ATG5: variants seen among roughly 807,000 people sequenced by gnomAD.
ATG5 encodes the protein autophagy related 5.
Under a neutral mutation model 36.5 loss-of-function variants are expected in ATG5, and 14 were observed. The ratio of observed to expected loss-of-function variants is 0.38; its 90% CI spans 0.25 to 0.60. ATG5 has a LOEUF of 0.60. Among genes scored for constraint, ATG5 ranks in the 20% least tolerant of loss-of-function variants. ATG5 has a pLI of 0.60. For synonymous variants in ATG5, 95 were observed against 101.5 expected, an observed-to-expected ratio of 0.94 and a Z score of 0.38; for missense variants, 195 against 326.7, an observed-to-expected ratio of 0.60 and a Z score of 3.11.
intron 3 of ATG5, among the ~76,000 whole-genome samples, chr6:106,294,921 T>C (rs758476883): frequency 2.0e-5 from 3 of 151,746 alleles, no homozygotes; most frequent in Non-Finnish European, 1.5e-5. Context: ...TTTAGTCTTA[T>C]ATGCATTATA....
chr6:106,236,577 C>T (rs937268338), intron 6 of ATG5, among the ~76,000 whole-genome samples: 6 of 152,144 alleles, frequency 3.9e-5, no homozygotes, highest in Non-Finnish European at 8.8e-5. Flanking sequence ...TTTTCATTTT[C>T]CTGATGAGTA....
At chr6:106,323,505 A>G (rs924754721) in intron 1 of ATG5, among the ~76,000 whole-genome samples, 5 of 151,688 alleles carry the variant, frequency 3.3e-5, no homozygotes, top group African/African-American at 1.2e-4. Context: ...TCTCTCAAAG[A>G]TGGTATTACA....
chr6:106,264,612 G>C (rs1218394674), intron 5 of ATG5, among the ~76,000 whole-genome samples: 1 of 152,154 alleles, frequency 6.6e-6, no homozygotes, highest in East Asian at 1.9e-4. Flanking sequence ...TTTCCTACAA[G>C]GGGAAGCCCA....
At chr6:106,300,537 A>G (rs59762106) in intron 3 of ATG5, among the ~76,000 whole-genome samples, 26,869 of 152,062 alleles carry the variant, frequency 0.18, 2,778 homozygotes, top group African/African-American at 0.28. Flanking sequence ...CGAGAAATGC[A>G]TTGTTAAGCA....
At chr6:106,226,508 A>G (rs530439773) in intron 6 of ATG5, among the ~76,000 whole-genome samples, 2 of 152,306 alleles carry the variant, frequency 1.3e-5, no homozygotes, top group South Asian at 4.1e-4. Flanking sequence ...AGACTTTAAG[A>G]GAGTTATTTT....
At chr6:106,235,554 C>T (rs1582589632) in intron 6 of ATG5, among the ~76,000 whole-genome samples, 1 of 152,206 alleles carries the variant, frequency 6.6e-6, no homozygotes, top group African/African-American at 2.4e-5. Context: ...AAGGTGACCA[C>T]ATCCACCTTT....
intron 7 of ATG5, among the ~76,000 whole-genome samples, chr6:106,200,593 G>C (rs1206387266): frequency 6.6e-6 from 1 of 151,572 alleles, no homozygotes; most frequent in Non-Finnish European, 1.5e-5. Flanking sequence ...TCCTACCTCA[G>C]CCTCCCAAGT....
intron 5 of ATG5, among the ~76,000 whole-genome samples, chr6:106,250,946 A>C (rs1778549457): frequency 7.2e-5 from 11 of 152,220 alleles, no homozygotes; most frequent in Admixed American, 7.2e-4. Context: ...GAAAATGCTA[A>C]AAGAAGTTGT....
chr6:106,304,613 C>T (rs187977990), intron 3 of ATG5, among the ~76,000 whole-genome samples: 8 of 152,200 alleles, frequency 5.3e-5, no homozygotes, highest in Admixed American at 5.2e-4. Context: ...ATATGGCATT[C>T]TGAAAAAGGT....
intron 1 of ATG5, among the ~76,000 whole-genome samples, chr6:106,321,206 T>G (rs1393155292): frequency 6.6e-6 from 1 of 152,160 alleles, no homozygotes; most frequent in Non-Finnish European, 1.5e-5. Flanking sequence ...TAATTATAAT[T>G]TTCACAGGGC....
intron 2 of ATG5, among the ~76,000 whole-genome samples, chr6:106,313,059 A>C (rs1338819221): frequency 6.6e-6 from 1 of 152,168 alleles, no homozygotes; most frequent in Admixed American, 6.5e-5. Flanking sequence ...AGAAGTTGAA[A>C]GTAAAATAAA....
chr6:106,303,962 T>A (rs113421990), intron 3 of ATG5, among the ~76,000 whole-genome samples: 134 of 147,396 alleles, frequency 9.1e-4, no homozygotes, highest in Non-Finnish European at 1.7e-3. Context: ...AAGTTCTAGC[T>A]ACTCCAATAA....
intron 6 of ATG5, among the ~76,000 whole-genome samples, chr6:106,211,286 C>T (rs1201054494): frequency 6.6e-6 from 1 of 152,160 alleles, no homozygotes. Context: ...AGTAGATGCA[C>T]AATGCACTGG....
chr6:106,234,875 A>T (rs1389040311), intron 6 of ATG5, among the ~76,000 whole-genome samples: 1 of 152,208 alleles, frequency 6.6e-6, no homozygotes, highest in Admixed American at 6.5e-5. Flanking sequence ...ACCTTGCAAG[A>T]TCAACTTAAC....
chr6:106,212,199 T>C (rs1430509415), intron 6 of ATG5, among the ~76,000 whole-genome samples: 1 of 152,236 alleles, frequency 6.6e-6, no homozygotes, highest in African/African-American at 2.4e-5. Context: ...CTCATTTTTG[T>C]ACAACAATTA....
At chr6:106,202,407 G>T (rs1468661375) in intron 6 of ATG5, 1 of 205,210 alleles carries the variant, frequency 4.9e-6, no homozygotes, top group Non-Finnish European at 9.9e-6. Flanking sequence ...TTTTTTCTCA[G>T]TATCTCTTAA....
chr6:106,261,866 C>T (rs79918295), intron 5 of ATG5, among the ~76,000 whole-genome samples: 375 of 152,228 alleles, frequency 2.5e-3, no homozygotes, highest in African/African-American at 8.5e-3. Context: ...GGCATCTAGT[C>T]TGTAGAGGCC....
chr6:106,310,150 C>A (rs1248665805), intron 2 of ATG5, among the ~76,000 whole-genome samples: 1 of 152,030 alleles, frequency 6.6e-6, no homozygotes, highest in Non-Finnish European at 1.5e-5. Flanking sequence ...TTTCCACTGC[C>A]CAAAATAGTG....
intron 6 of ATG5, among the ~76,000 whole-genome samples, chr6:106,213,792 A>T (rs1776940851): frequency 6.6e-6 from 1 of 152,176 alleles, no homozygotes; most frequent in Non-Finnish European, 1.5e-5. Flanking sequence ...AATGAGGAAA[A>T]CTTATCTTTG....
Sources: allele counts gnomAD v4.1 joint callset (sites outside exome capture counted in the v4.1 genomes callset), GRCh38; gene constraint gnomAD v4.1.1; transcripts MANE v1.5; gene names NCBI Gene and HGNC (gene_info 2026-07-23, HGNC 2026-07-21).